The following PALS2 variants were observed in gnomAD, a reference collection of about 807,000 sequenced individuals.
PALS2 encodes protein associated with LIN7 2, MAGUK p55 family member.
Under a neutral mutation model 61.6 loss-of-function variants are expected in PALS2, and 27 were observed. The observed-to-expected ratio is 0.44, with a 90% CI of 0.32 to 0.60. The LOEUF is 0.60. PALS2 is among the 20% of genes least tolerant of loss of function. The pLI is 0.05. For missense variants in PALS2, 554 were observed against 639.4 expected, an observed-to-expected ratio of 0.87 and a Z score of 1.44; for synonymous variants, 236 against 218.6, an observed-to-expected ratio of 1.08 and a Z score of -0.70.
intron 2 of PALS2, chr7:24,624,260 C>A: frequency 2.1e-6 from 1 of 472,590 alleles, no homozygotes; most frequent in Non-Finnish European, 3.3e-6. Flanking sequence ...CTGGAGTAAT[C>A]TCTTTAACTC....
At chr7:24,634,828 A>AT (rs1785163811) in intron 2 of PALS2, among the ~76,000 whole-genome samples, 1 of 152,056 alleles carries the variant, frequency 6.6e-6, no homozygotes, top group Non-Finnish European at 1.5e-5. Context: ...TGAAAGGAAT[A>AT]TTTTTTCCCC....
chr7:24,641,007 C>CAAAA (rs35912373), intron 2 of PALS2, among the ~76,000 whole-genome samples: 58 of 67,016 alleles, frequency 8.7e-4, no homozygotes, highest in East Asian at 3.3e-3. Context: ...GACTCCATCT[C>CAAAA]AAAAAAAAAA....
intron 1 of PALS2, among the ~76,000 whole-genome samples, chr7:24,613,496 G>A (rs548540833): frequency 6.6e-6 from 1 of 151,260 alleles, no homozygotes; most frequent in Admixed American, 6.6e-5. Flanking sequence ...CATATTTATG[G>A]GGTACTTAGT....
intron 5 of PALS2, among the ~76,000 whole-genome samples, chr7:24,651,991 G>A (rs951132712): frequency 1.1e-4 from 16 of 152,110 alleles, no homozygotes; most frequent in Admixed American, 9.2e-4. Context: ...TTGAAATGAA[G>A]GTAGTTTTGT....
intron 1 of PALS2, among the ~76,000 whole-genome samples, chr7:24,604,546 AAG>A (rs1011571479): frequency 5.6e-4 from 85 of 152,320 alleles, no homozygotes; most frequent in African/African-American, 1.9e-3. Flanking sequence ...ACAGAAAGGA[AAG>A]AGAGAGACAG....
intron 1 of PALS2, among the ~76,000 whole-genome samples, chr7:24,577,079 A>C (rs923691420): frequency 6.6e-6 from 1 of 152,174 alleles, no homozygotes; most frequent in Non-Finnish European, 1.5e-5. Context: ...GAAAGAACTT[A>C]AGTTTTATGA....
chr7:24,636,903 GTTCA>G (rs1785266208), intron 2 of PALS2, among the ~76,000 whole-genome samples: 1 of 152,052 alleles, frequency 6.6e-6, no homozygotes, highest in Non-Finnish European at 1.5e-5. Flanking sequence ...AATTTAAAAC[GTTCA>G]TTAAGTTAAT....
chr7:24,692,275 TAAAAG>T lies in PALS2; in HGVS notation c.*4662_*4666del, dbSNP rs1380524118. The T allele has an allele frequency of 6.6e-6, 1 of 152,188 alleles. No individual in the cohort carries two copies. Among genetic ancestry groups the T allele is most frequent in the African/African-American group, 2.4e-5 (1 of 41,456 alleles). The allele number at this position is 152,188 out of a possible 1,614,324, so 9.4% of individuals were successfully genotyped here. On this transcript the variant is annotated 3_prime_UTR_variant, in exon 12 of 12. Coordinates refer to ENST00000222644, the MANE Select transcript of PALS2 (RefSeq NM_001303037.2). ...CTTTTTAAAAAATATTCTCTAGTGATAAAAGTAAAGACAGGGTACTGGCCAAGATC... is the reference window on the plus strand; with the variant it reads ...CTTTTTAAAAAATATTCTCTAGTGATTAAAGACAGGGTACTGGCCAAGATC...
Position 24,623,615 on chromosome 7 carries a change from T to TTTTGTTTG in PALS2, c.-2-31_-2-24dup, listed in dbSNP as rs567037990. The TTTTGTTTG allele has an allele frequency of 1.0e-5, 12 of 1,153,988 alleles. No homozygotes were observed. The African/African-American group carries it at 1.4e-4, about 14-fold the overall frequency. 71.5% of individuals were successfully genotyped at this position (1,153,988 alleles called of 1,614,324 possible). ...CCATAACGGCTTGAAATTTAAGGGTTTTTGTTTGTTTGTTTGTTTGTTTGT... is the reference window on the plus strand; with the variant it reads ...CCATAACGGCTTGAAATTTAAGGGTTTTTGTTTGTTTGTTTGTTTGTTTGTTTGTTTGT... On this transcript the variant is annotated intron_variant, in intron 1 of 11. Transcript: ENST00000222644.
intron 5 of PALS2, among the ~76,000 whole-genome samples, chr7:24,654,650 T>C (rs1259764892): frequency 6.6e-6 from 1 of 152,184 alleles, no homozygotes; most frequent in African/African-American, 2.4e-5. Context: ...GACAATATTG[T>C]GAAGATGTTG....
At chr7:24,630,448 C>T (rs78682829) in intron 2 of PALS2, among the ~76,000 whole-genome samples, 2 of 151,876 alleles carry the variant, frequency 1.3e-5, no homozygotes, top group Non-Finnish European at 2.9e-5. Flanking sequence ...CAAACATGCA[C>T]GTTCTGTACA....
intron 8 of PALS2, 140 bp downstream of exon 8, chr7:24,666,229 T>G (rs1168803556): frequency 3.2e-6 from 2 of 620,514 alleles, no homozygotes; most frequent in African/African-American, 3.7e-5. Context: ...TATGAACACA[T>G]GGTGCAATAT....
chr7:24,675,409 CTTTTAAG>C (rs1787515512), intron 9 of PALS2, among the ~76,000 whole-genome samples: 1 of 143,910 alleles, frequency 6.9e-6, no homozygotes, highest in African/African-American at 2.6e-5. Context: ...TATTATTATA[CTTTTAAG>C]TTTTAGGGTA....
chr7:24,657,330 A>T (rs1180783410), intron 5 of PALS2, among the ~76,000 whole-genome samples: 1 of 152,238 alleles, frequency 6.6e-6, no homozygotes, highest in Admixed American at 6.5e-5. Context: ...ATTTCCACCA[A>T]CATTATATGA....
In PALS2 at chr7:24,692,414, A is replaced by T. The variant is rs946146505; in HGVS notation, c.*4800A>T. 14 of 152,088 alleles carry T rather than the reference A, an allele frequency of 9.2e-5. No homozygotes were observed. The highest frequency in any genetic ancestry group is 1.6e-4 in the Non-Finnish European group (11 of 68,016). The allele number at this position is 152,088 out of a possible 1,614,324, so 9.4% of individuals were successfully genotyped here. On this transcript the variant is annotated 3_prime_UTR_variant, in exon 12 of 12. Coordinates refer to ENST00000222644, the MANE Select transcript of PALS2 (RefSeq NM_001303037.2). ...AAGTTAATATTTGTCTTCGCCTTAA[A>T]TTCTGATTTGTAATTTGTAACTCTG... is the stretch of plus-strand genomic sequence containing the variant.
At position 24,638,517 on chromosome 7, in the gene PALS2, G is replaced by C. The variant is rs1223505469; in HGVS notation, c.118-3199G>C. Among the ~76,000 whole-genome samples the C allele has an allele frequency of 2.9e-5, 2 of 68,234 alleles. 1 individual carries two copies. The highest frequency in any genetic ancestry group is 2.6e-4 in the Admixed American group (2 of 7,608). The allele number at this position is 68,234 out of a possible 152,430, so 44.8% of individuals were successfully genotyped here. ...GGCTAATTTTTTGTATTTTTTAGTA[G>C]AGACGGGGTTTCACCGTTTTAGCCG... On this transcript the variant is annotated intron_variant, in intron 2 of 11. Coordinates refer to ENST00000222644, the MANE Select transcript of PALS2 (RefSeq NM_001303037.2).
chr7:24,642,846 G>A (rs1785634342), intron 3 of PALS2, among the ~76,000 whole-genome samples: 1 of 152,134 alleles, frequency 6.6e-6, no homozygotes. Flanking sequence ...AAGGCATACT[G>A]AGTTATTTGG....
chr7:24,693,353 C>T lies in PALS2; in HGVS notation c.*5739C>T, dbSNP rs753508760. 1 of 152,134 alleles carries T rather than the reference C, an allele frequency of 6.6e-6. No homozygotes were observed. Among genetic ancestry groups the T allele is most frequent in the Non-Finnish European group, 1.5e-5 (1 of 68,016 alleles). 9.4% of individuals were successfully genotyped at this position (152,134 alleles called of 1,614,324 possible). ...CAGGTCATATATGAAATTTGGCTCT[C>T]CTCCTATCAAAGTAGCCTAGGAGCT... On this transcript the variant is annotated 3_prime_UTR_variant, in exon 12 of 12. Coordinates refer to ENST00000222644, the MANE Select transcript of PALS2 (RefSeq NM_001303037.2).
intron 1 of PALS2, among the ~76,000 whole-genome samples, chr7:24,580,740 A>C (rs1351278569): frequency 1.3e-5 from 2 of 152,230 alleles, no homozygotes; most frequent in African/African-American, 4.8e-5. Flanking sequence ...GCCTTGAACA[A>C]ATATACCCAG....
Sources: gnomAD v4.1 joint callset for allele counts (sites outside exome capture counted in the v4.1 genomes callset) on GRCh38, gnomAD v4.1.1 for gene constraint, MANE v1.5 for transcripts, NCBI Gene and HGNC (gene_info 2026-07-23, HGNC 2026-07-21) for gene names.